The following IRAK1BP1 variants were observed in gnomAD, a reference collection of about 807,000 sequenced individuals.
The protein encoded by IRAK1BP1 is interleukin 1 receptor associated kinase 1 binding protein 1, also known as interleukin-1 receptor-associated kinase 1-binding protein 1.
In IRAK1BP1, 24 loss-of-function variants were observed where a neutral mutation model predicts 28.0. The observed-to-expected ratio is 0.86, with a 90% confidence interval of 0.62 to 1.20. The LOEUF is 1.20. Ranked by LOEUF, IRAK1BP1 falls within the 50% of genes most tolerant of loss-of-function variation. IRAK1BP1 has a pLI of 0.00. For missense variants in IRAK1BP1, 336 were observed against 316.7 expected (o/e 1.06, Z -0.46); for synonymous variants, 131 against 116.3 (o/e 1.13, Z -0.81).
the IRAK1BP1 span, chr6:78,958,630 C>T: frequency 7.2e-7 from 1 of 1,380,238 alleles, no homozygotes; most frequent in East Asian, 2.3e-5. Context: ...GAAGTTTTAA[C>T]TTCCTTATAT....
At chr6:78,905,994 C>G (rs570458784), downstream of IRAK1BP1, among the ~76,000 whole-genome samples, 1 of 152,094 alleles carries the variant, frequency 6.6e-6, no homozygotes, top group Non-Finnish European at 1.5e-5. Context: ...AAGTAAAAAT[C>G]TAAAGAATGT....
chr6:78,898,104 A>G lies in IRAK1BP1; in HGVS notation c.553A>G (p.Lys185Glu), dbSNP rs1032378968. Residue 185 changes from lysine (K) to glutamate (E), a missense_variant, in exon 4 of 4, where the codon AAA becomes GAA. Lys to Glu is a moderately conservative substitution (Grantham distance 56). Coordinates refer to ENST00000369940, the MANE Select transcript of IRAK1BP1 (RefSeq NM_001010844.4). ...CLVAVENAWR[K>E]AQEVCNLVGQ... The stretch of plus-strand genomic sequence containing the variant: ...TGTTGCTGTTGAGAATGCGTGGCGC[A>G]AAGCTCAAGAAGTCTGTAACCTTGT... 3 of 1,613,084 alleles carry G rather than the reference A, an allele frequency of 1.9e-6. No homozygotes were observed. The African/African-American group carries it at 4.0e-5, about 22-fold the overall frequency.
chr6:78,937,005 TTA>T (rs2127674000), intron 4 of IRAK1BP1: 2 of 151,856 alleles, frequency 1.3e-5, no homozygotes, highest in Admixed American at 1.3e-4. Flanking sequence ...GCTCAATCTG[TTA>T]TGTTAGAAAT....
chr6:78,947,294 T>C (rs1254581826), downstream of IRAK1BP1, among the ~76,000 whole-genome samples: 1 of 152,200 alleles, frequency 6.6e-6, no homozygotes, highest in African/African-American at 2.4e-5. Context: ...TATTTTTACT[T>C]ATTTGTAAAA....
rs776352150 is a variant in IRAK1BP1, at chr6:78,898,160, C to A, written c.609C>A (p.Ile203=). The change falls in exon 4 of 4, where the codon ATC becomes ATA. Residue 203 remains isoleucine, a synonymous_variant. Coordinates refer to ENST00000369940, the MANE Select transcript of IRAK1BP1 (RefSeq NM_001010844.4). ...VGQTLGKPLL[I]KEEETKEWEG... is the part of the protein sequence containing the mutation. ...AAACCTTAGGAAAACCTTTACTAATCAAAGAAGAAGAAACAAAAGAATGGG... is the reference window on the plus strand; with the variant it reads ...AAACCTTAGGAAAACCTTTACTAATAAAAGAAGAAGAAACAAAAGAATGGG... 2.5e-6 allele frequency: 4 copies of A among 1,613,568 alleles called. No homozygotes were observed. The highest frequency in any genetic ancestry group is 3.4e-6 in the Non-Finnish European group (4 of 1,179,856).
At chr6:78,920,265 T>G (rs979598843) in intron 4 of IRAK1BP1, among the ~76,000 whole-genome samples, 31 of 151,976 alleles carry the variant, frequency 2.0e-4, no homozygotes, top group African/African-American at 7.0e-4. Flanking sequence ...ATAAAAAATT[T>G]TACAAAATTT....
At chr6:78,940,972 G>A (rs528882994) in intron 4 of IRAK1BP1, 1 of 1,613,760 alleles carries the variant, frequency 6.2e-7, no homozygotes, top group Admixed American at 1.7e-5. Flanking sequence ...CAGGGACTAG[G>A]AGATCTGCAT....
At chr6:78,968,418 A>G in the IRAK1BP1 span, among the ~76,000 whole-genome samples, 1 of 152,162 alleles carries the variant, frequency 6.6e-6, no homozygotes, top group Non-Finnish European at 1.5e-5. Flanking sequence ...TCAGCAACCA[A>G]ATGCAGATTG....
At chr6:78,893,767 G>T (rs1472722976) in intron 2 of IRAK1BP1, among the ~76,000 whole-genome samples, 1 of 152,030 alleles carries the variant, frequency 6.6e-6, no homozygotes, top group Non-Finnish European at 1.5e-5. Context: ...AGCCAGGCAT[G>T]GTGGTCACGC....
chr6:78,938,694 GA>G (rs1186475661), intron 4 of IRAK1BP1: 6 of 151,284 alleles, frequency 4.0e-5, no homozygotes, highest in Admixed American at 2.0e-4. Context: ...ATATTTGTTA[GA>G]AAAAAATAAA....
chr6:78,956,347 C>G, the IRAK1BP1 span: 1 of 152,146 alleles, frequency 6.6e-6, no homozygotes, highest in Admixed American at 6.5e-5. Context: ...GTCTGGGCAT[C>G]TGTCCCTTTC....
intron 2 of IRAK1BP1, among the ~76,000 whole-genome samples, chr6:78,894,609 A>T (rs1002005532): frequency 2.0e-5 from 3 of 152,208 alleles, no homozygotes; most frequent in African/African-American, 7.2e-5. Context: ...AAATAAGTCT[A>T]CAACTTTTGT....
At chr6:78,891,191 G>A (rs1385876502) in intron 2 of IRAK1BP1, among the ~76,000 whole-genome samples, 2 of 152,126 alleles carry the variant, frequency 1.3e-5, no homozygotes, top group Non-Finnish European at 1.5e-5. Flanking sequence ...AAAATGAACT[G>A]ATTATTAACT....
intron 4 of IRAK1BP1, among the ~76,000 whole-genome samples, chr6:78,913,634 G>A (rs1772482547): frequency 6.6e-6 from 1 of 152,128 alleles, no homozygotes; most frequent in South Asian, 2.1e-4. Context: ...GATAGAGCGA[G>A]ACTCTGTCTC....
chr6:78,968,481 T>C, the IRAK1BP1 span, among the ~76,000 whole-genome samples: 1 of 152,208 alleles, frequency 6.6e-6, no homozygotes, highest in Non-Finnish European at 1.5e-5. Context: ...GGGCCAACTT[T>C]TCACATCGGG....
At chr6:78,944,199 A>G (rs1773676574) in intron 4 of IRAK1BP1, among the ~76,000 whole-genome samples, 1 of 152,086 alleles carries the variant, frequency 6.6e-6, no homozygotes, top group African/African-American at 2.4e-5. Context: ...TACAAAAGAG[A>G]GAAAGAAGGT....
the IRAK1BP1 span, among the ~76,000 whole-genome samples, chr6:78,967,935 C>T: frequency 6.6e-6 from 1 of 151,828 alleles, no homozygotes; most frequent in Admixed American, 6.6e-5. Context: ...GAGATCAAGA[C>T]CATCCTGGCT....
chr6:78,953,367 C>T, the IRAK1BP1 span, among the ~76,000 whole-genome samples: 1 of 152,158 alleles, frequency 6.6e-6, no homozygotes, highest in Non-Finnish European at 1.5e-5. Context: ...AGAATAAAAA[C>T]ATTGTCTTAT....
chr6:78,957,002 A>G, the IRAK1BP1 span: 2 of 152,090 alleles, frequency 1.3e-5, no homozygotes, highest in Non-Finnish European at 2.9e-5. Flanking sequence ...AATTTCAAGG[A>G]ATACTTAATA....
Sources: gnomAD v4.1 joint callset for allele counts (sites outside exome capture counted in the v4.1 genomes callset) on GRCh38, gnomAD v4.1.1 for gene constraint, MANE v1.5 for transcripts, NCBI Gene and HGNC (gene_info 2026-07-23, HGNC 2026-07-21) for gene names.